The following CREBBP variants were observed in gnomAD, a reference collection of about 807,000 sequenced individuals.
CREBBP encodes the protein CREB-binding protein.
In CREBBP, 19 loss-of-function variants were observed where a neutral mutation model predicts 265.0. The ratio of observed to expected loss-of-function variants is 0.07; its 90% CI spans 0.05 to 0.11. The LOEUF is 0.11. CREBBP is among the 10% of genes least tolerant of loss of function. The probability of loss-of-function intolerance (pLI) is 1.00; values close to 1 mark genes in which losing one functional copy is unlikely to be tolerated. For missense variants in CREBBP, 2,525 were observed against 3,219.0 expected, an observed-to-expected ratio of 0.78 and a Z score of 5.22; for synonymous variants, 1,457 against 1,223.7, an observed-to-expected ratio of 1.19 and a Z score of -3.98.
intron 19 of CREBBP, 36 bp downstream of exon 19, chr16:3,757,252 C>T (rs1382817516): frequency 6.6e-7 from 1 of 1,516,286 alleles, no homozygotes; most frequent in South Asian, 1.2e-5. Flanking sequence ...CGTGCCTTGC[C>T]CTAAGACATA....
At chr16:3,868,106 A>C (rs1273029456) in intron 1 of CREBBP, among the ~76,000 whole-genome samples, 1 of 152,164 alleles carries the variant, frequency 6.6e-6, no homozygotes, top group African/African-American at 2.4e-5. Context: ...CGCACAGTCC[A>C]TCTCTAGAAT....
intron 28 of CREBBP, among the ~76,000 whole-genome samples, chr16:3,735,440 G>A (rs1259975528): frequency 6.6e-6 from 1 of 152,126 alleles, no homozygotes; most frequent in Non-Finnish European, 1.5e-5. Flanking sequence ...GGGATTACAG[G>A]TGCCCCCTCC....
chr16:3,810,880 A>C, intron 2 of CREBBP, 101 bp from the exon 3 acceptor site: 1 of 1,212,972 alleles, frequency 8.2e-7, no homozygotes, highest in East Asian at 2.4e-5. Flanking sequence ...TACTCATTGC[A>C]ATGATAAATT....
chr16:3,778,729 C>T lies in CREBBP; in HGVS notation c.1912G>A (p.Gly638Arg), dbSNP rs1310135158. ...CTGTTGGCAGACTCGTACATGTCCC[C>T]TTCCACTTTCTTAGCATAGGCTACC... ...NLVAYAKKVE[G>R]DMYESANSRD... The change falls in exon 9 of 31, where the codon GGG becomes AGG. Residue 638 changes from glycine to arginine, a missense_variant. Physicochemically the swap from Gly to Arg is moderately radical, Grantham distance 125. Around this residue, in one of 19 missense-constraint regions of CREBBP, gnomAD observed 29 missense variants for 99.9 expected, o/e 0.29. Transcript: ENST00000262367. 3.1e-6 allele frequency: 5 copies of T among 1,613,946 alleles called. No homozygotes were observed. The African/African-American group carries it at 5.3e-5, about 17-fold the overall frequency.
intron 15 of CREBBP, among the ~76,000 whole-genome samples, chr16:3,768,221 C>A (rs1429496747): frequency 7.8e-6 from 1 of 127,654 alleles, no homozygotes; most frequent in African/African-American, 2.9e-5. Context: ...TCTTGGCTCA[C>A]TGCAACCTCC....
intron 2 of CREBBP, among the ~76,000 whole-genome samples, chr16:3,847,579 GC>G (rs1183586116): frequency 6.6e-6 from 1 of 152,174 alleles, no homozygotes; most frequent in Non-Finnish European, 1.5e-5. Context: ...TCCCCAGCAC[GC>G]TAACGAGGCT....
intron 1 of CREBBP, among the ~76,000 whole-genome samples, chr16:3,852,533 G>A (rs1002023362): frequency 1.3e-5 from 2 of 152,136 alleles, no homozygotes; most frequent in Non-Finnish European, 2.9e-5. Flanking sequence ...AATGAAATCA[G>A]TGATTTCTTA....
Position 3,793,460 on chromosome 16 carries a change from G to A in CREBBP, c.1142C>T (p.Ser381Leu), listed in dbSNP as rs1289774223. The A allele has an allele frequency of 6.2e-6, 10 of 1,614,070 alleles. No homozygotes were observed. Among genetic ancestry groups the A allele is most frequent in the South Asian group, 2.2e-5 (2 of 91,042 alleles). ...TTTCATGGTTCGACAATGCGGGAGC[G>A]AGCAGGCCCGAACCTCTCCGTTTGC... ...EQANGEVRAC[S>L]LPHCRTMKNV... The change falls in exon 4 of 31, where the codon TCG becomes TTG. Residue 381 changes from serine to leucine, a missense_variant. This residue lies in a region of CREBBP where 126 missense variants were observed against 171.9 expected (regional missense o/e 0.73). Coordinates refer to ENST00000262367, the MANE Select transcript of CREBBP (RefSeq NM_004380.3).
intron 3 of CREBBP, among the ~76,000 whole-genome samples, chr16:3,807,122 A>G (rs1015174986): frequency 6.6e-6 from 1 of 152,098 alleles, no homozygotes; most frequent in African/African-American, 2.4e-5. Flanking sequence ...CCTTCTGGGG[A>G]GCCGACTCCA....
chr16:3,771,066 T>C (rs2052996000), intron 13 of CREBBP, 80 bp from the exon 14 acceptor site: 1 of 1,559,682 alleles, frequency 6.4e-7, no homozygotes, highest in African/African-American at 1.4e-5. Flanking sequence ...ATTAAATGTA[T>C]GAAAAAAAAA....
In CREBBP at chr16:3,729,270, C is replaced by T. The variant is rs1370704436; in HGVS notation, c.5777G>A (p.Arg1926Gln). 3.3e-6 allele frequency: 5 copies of T among 1,529,378 alleles called. No individual in the cohort carries two copies. Among genetic ancestry groups the T allele is most frequent in the Non-Finnish European group, 3.5e-6 (4 of 1,142,634 alleles). 94.7% of individuals were successfully genotyped at this position (1,529,378 alleles called of 1,614,324 possible). Residue 1926 changes from arginine to glutamine, a missense_variant, in exon 31 of 31, where the codon CGG becomes CAG. By Grantham distance (43) the Arg-to-Gln change is conservative. Transcript: ENST00000262367. ...MSPAGFPSVA[R>Q]TQPPTTVSTG... Reference sequence around the variant, plus strand: ...GGACACCGTGGTGGGGGGCTGAGTCCGGGCCACGCTGGGGAAGCCAGCTGG... The same window carrying T: ...GGACACCGTGGTGGGGGGCTGAGTCTGGGCCACGCTGGGGAAGCCAGCTGG...
At chr16:3,849,441 G>T (rs2054761568) in intron 2 of CREBBP, among the ~76,000 whole-genome samples, 1 of 17,942 alleles carries the variant, frequency 5.6e-5, no homozygotes. Context: ...GTGTGTGTGT[G>T]TGTGTGTGTG....
At chr16:3,831,168 A>C (rs2054335945) in intron 2 of CREBBP, among the ~76,000 whole-genome samples, 1 of 152,220 alleles carries the variant, frequency 6.6e-6, no homozygotes. Flanking sequence ...GACAACCACC[A>C]TACAAAGCAT....
At chr16:3,819,426 A>G (rs565438751) in intron 2 of CREBBP, among the ~76,000 whole-genome samples, 1 of 152,318 alleles carries the variant, frequency 6.6e-6, no homozygotes, top group Admixed American at 6.5e-5. Context: ...TTTGGGAGCA[A>G]TCATTCTACA....
chr16:3,818,985 A>T (rs1597000030), intron 2 of CREBBP, among the ~76,000 whole-genome samples: 1 of 151,780 alleles, frequency 6.6e-6, no homozygotes, highest in African/African-American at 2.4e-5. Flanking sequence ...GGGGCTCATC[A>T]CCTCCCCGCT....
chr16:3,850,856 G>C lies in CREBBP; in HGVS notation c.239C>G (p.Ser80Cys), dbSNP rs1318683084. Residue 80 changes from serine (S) to cysteine (C), a missense_variant, in exon 2 of 31, where the codon TCT becomes TGT. This residue lies in a region of CREBBP where 356 missense variants were observed against 340.4 expected (regional missense o/e 1.05). Transcript: ENST00000262367. ...ATTTCCTATTCCTGGGTTGATACTA[G>C]AGCCGCTGCCTCCTCGTAGAAGCTC... ...LSELLRGGSGSSINPGIGNVS... is the reference protein window; with the variant it reads ...LSELLRGGSGCSINPGIGNVS... 6.2e-7 allele frequency: 1 copy of C among 1,614,164 alleles called. No individual in the cohort carries two copies. Among genetic ancestry groups the C allele is most frequent in the Non-Finnish European group, 8.5e-7 (1 of 1,180,056 alleles).
intron 3 of CREBBP, among the ~76,000 whole-genome samples, chr16:3,796,290 T>C (rs903217163): frequency 6.6e-6 from 1 of 152,174 alleles, no homozygotes; most frequent in East Asian, 1.9e-4. Context: ...TCTTGCTATG[T>C]TGCCCAGGCT....
chr16:3,832,405 T>C (rs2054360707), intron 2 of CREBBP, among the ~76,000 whole-genome samples: 1 of 152,220 alleles, frequency 6.6e-6, no homozygotes, highest in Non-Finnish European at 1.5e-5. Context: ...ATATCACTCA[T>C]GAATATACCA....
chr16:3,749,134 G>A (rs559745137), intron 21 of CREBBP, among the ~76,000 whole-genome samples: 144 of 152,274 alleles, frequency 9.5e-4, no homozygotes, highest in African/African-American at 3.4e-3. Flanking sequence ...GGGACAGAGC[G>A]AGACTGTCTC....
Sources: gnomAD v4.1 joint callset for allele counts (sites outside exome capture counted in the v4.1 genomes callset) on GRCh38, gnomAD v4.1.1 for gene constraint, gnomAD v4.1.1 regional missense constraint, MANE v1.5 for transcripts, NCBI Gene and HGNC (gene_info 2026-07-23, HGNC 2026-07-21) for gene names.